The following EIF5B variants were observed in gnomAD, a reference collection of about 807,000 sequenced individuals.
The protein encoded by EIF5B is eIF-5B.
A neutral mutation model predicts 147.5 loss-of-function variants in EIF5B; 47 were observed. The ratio of observed to expected loss-of-function variants is 0.32; its 90% CI spans 0.25 to 0.41. The LOEUF (loss-of-function observed/expected upper bound fraction) is 0.41, where lower values mean the gene tolerates loss of function less well. Among genes scored for constraint, EIF5B ranks in the 10% least tolerant of loss-of-function variants. The probability of loss-of-function intolerance (pLI) is 1.00; values close to 1 mark genes in which losing one functional copy is unlikely to be tolerated. For missense variants in EIF5B, 1,064 were observed against 1,413.2 expected, an observed-to-expected ratio of 0.75 and a Z score of 3.96; for synonymous variants, 455 against 456.2, an observed-to-expected ratio of 1.00 and a Z score of 0.03.
In EIF5B at chr2:99,390,599, G is replaced by A. The variant is rs768239895; in HGVS notation, c.2642G>A (p.Arg881His). The A allele has an allele frequency of 1.1e-5, 17 of 1,612,914 alleles. No individual in the cohort carries two copies. Among genetic ancestry groups the A allele is most frequent in the South Asian group, 2.2e-5 (2 of 91,052 alleles). ...TTIDVILINGRLKEGDTIIVP... is the reference protein window; with the variant it reads ...TTIDVILINGHLKEGDTIIVP... ...ATAGATGTCATCTTGATCAATGGGC[G>A]TTTGAAGGAAGGAGATACAATCATT... is the stretch of plus-strand genomic sequence containing the variant. Residue 881 changes from arginine to histidine, a missense_variant, in exon 17 of 24, where the codon CGT becomes CAT. Arg to His is a conservative substitution (Grantham distance 29). Transcript: ENST00000289371.
At chr2:99,371,822 C>T in intron 9 of EIF5B, 92 bp downstream of exon 9, 1 of 1,205,434 alleles carries the variant, frequency 8.3e-7, no homozygotes, top group Non-Finnish European at 1.1e-6. Context: ...ATTATGAAAG[C>T]CATATGAACA....
intron 12 of EIF5B, 46 bp from the exon 13 acceptor site, chr2:99,382,113 C>G: frequency 6.6e-7 from 1 of 1,523,602 alleles, no homozygotes; most frequent in Non-Finnish European, 9.1e-7. Flanking sequence ...AAGAAGCTTT[C>G]ATGTCTGACT....
At chr2:99,369,531 GT>G in intron 8 of EIF5B, 50 bp downstream of exon 8, 1 of 1,462,304 alleles carries the variant, frequency 6.8e-7, no homozygotes, top group Non-Finnish European at 9.4e-7. Context: ...ATTAAATAGT[GT>G]TGGTGTGTCA....
chr2:99,399,852 C>T lies in EIF5B; in HGVS notation c.*438C>T, dbSNP rs142123580. On this transcript the variant is annotated 3_prime_UTR_variant, in exon 24 of 24. Transcript: ENST00000289371. ...TACTTCTTTATTTATGCATATTCTT[C>T]CCACAGTGATTTTTCCAGCATTCTT... The T allele has an allele frequency of 1.3e-5, 2 of 155,208 alleles. No homozygotes were observed. The highest frequency in any genetic ancestry group is 4.8e-5 in the African/African-American group (2 of 41,606). 9.6% of individuals were successfully genotyped at this position (155,208 alleles called of 1,614,324 possible).
At chr2:99,381,141 T>C (rs1488551801) in intron 12 of EIF5B, among the ~76,000 whole-genome samples, 10 of 152,214 alleles carry the variant, frequency 6.6e-5, no homozygotes, top group African/African-American at 2.2e-4. Flanking sequence ...ATTATAGCTT[T>C]TCAAATTTAT....
intron 22 of EIF5B, 130 bp downstream of exon 22, chr2:99,397,028 T>C: frequency 9.6e-7 from 1 of 1,039,734 alleles, no homozygotes; most frequent in South Asian, 2.6e-5. Context: ...GTCTCCACCT[T>C]CTTAACAAAT....
At chr2:99,350,932 CCTT>C (rs1321360763) in intron 1 of EIF5B, among the ~76,000 whole-genome samples, 1 of 152,204 alleles carries the variant, frequency 6.6e-6, no homozygotes, top group South Asian at 2.1e-4. Flanking sequence ...TTAAAAGACT[CCTT>C]CATTAAGTAT....
chr2:99,368,613 T>C, intron 7 of EIF5B, 22 bp downstream of exon 7: 1 of 1,546,002 alleles, frequency 6.5e-7, no homozygotes, highest in Non-Finnish European at 8.9e-7. Flanking sequence ...AAATAGCCTC[T>C]AATTTAGGAA....
intron 21 of EIF5B, among the ~76,000 whole-genome samples, chr2:99,396,414 T>G (rs1324802874): frequency 6.6e-6 from 1 of 152,182 alleles, no homozygotes; most frequent in Non-Finnish European, 1.5e-5. Flanking sequence ...ACTGCCTAGG[T>G]TCTAAGCCCC....
chr2:99,396,959 G>C (rs1675062961), intron 22 of EIF5B, 61 bp downstream of exon 22: 1 of 1,542,990 alleles, frequency 6.5e-7, no homozygotes, highest in Admixed American at 2.1e-5. Context: ...GTGTCCAAGA[G>C]TCGTACCAAC....
At chr2:99,339,164 C>T (rs914404630) in intron 1 of EIF5B, among the ~76,000 whole-genome samples, 1 of 151,642 alleles carries the variant, frequency 6.6e-6, no homozygotes, top group Non-Finnish European at 1.5e-5. Context: ...CAGGCATGCA[C>T]CACCACATCC....
intron 22 of EIF5B, 146 bp from the exon 23 acceptor site, chr2:99,398,602 G>T: frequency 1.2e-6 from 1 of 811,468 alleles, no homozygotes. Context: ...TTACCAAAAT[G>T]TTACACCGTG....
intron 23 of EIF5B, 36 bp from the exon 24 acceptor site, chr2:99,399,271 G>A (rs1240823829): frequency 6.3e-7 from 1 of 1,598,054 alleles, no homozygotes; most frequent in East Asian, 2.2e-5. Flanking sequence ...CGTTTGTTAT[G>A]TTCTGTTTAC....
At chr2:99,371,506 G>C in intron 8 of EIF5B, 150 bp from the exon 9 acceptor site, 1 of 434,242 alleles carries the variant, frequency 2.3e-6, no homozygotes, top group Non-Finnish European at 3.9e-6. Flanking sequence ...AAAAAAAAAA[G>C]ATAGTTCTAA....
chr2:99,380,530 C>T (rs1399821527), intron 12 of EIF5B, among the ~76,000 whole-genome samples: 2 of 152,150 alleles, frequency 1.3e-5, no homozygotes, highest in African/African-American at 2.4e-5. Context: ...TCTGATATAG[C>T]AGGATGTTCC....
At chr2:99,390,424 ATTG>A in intron 16 of EIF5B, 23 bp downstream of exon 16, 2 of 1,513,796 alleles carry the variant, frequency 1.3e-6, no homozygotes, top group East Asian at 2.3e-5. Flanking sequence ...TTTTCAGTTT[ATTG>A]TTTTTTTTTT....
chr2:99,363,565 A>C (rs747360475), intron 4 of EIF5B, 80 bp from the exon 5 acceptor site: 2 of 1,408,020 alleles, frequency 1.4e-6, no homozygotes, highest in Admixed American at 2.3e-5. Context: ...TGGTCCTTGA[A>C]TTGTGGTTGG....
chr2:99,346,574 A>G (rs2094273773), intron 1 of EIF5B, among the ~76,000 whole-genome samples: 2 of 149,246 alleles, frequency 1.3e-5, no homozygotes, highest in Non-Finnish European at 3.0e-5. Flanking sequence ...TTATTTTAGA[A>G]CATAAGTTGT....
intron 21 of EIF5B, among the ~76,000 whole-genome samples, chr2:99,395,996 G>T (rs901986459): frequency 3.9e-5 from 6 of 152,180 alleles, no homozygotes; most frequent in Non-Finnish European, 8.8e-5. Flanking sequence ...GGGTTGTTAT[G>T]TGGACCTTGG....
Sources: allele counts gnomAD v4.1 joint callset (sites outside exome capture counted in the v4.1 genomes callset), GRCh38; gene constraint gnomAD v4.1.1; transcripts MANE v1.5; gene names NCBI Gene and HGNC (gene_info 2026-07-23, HGNC 2026-07-21).